Variants in USH2A observed in about 807,000 individuals in gnomAD.
USH2A encodes Usher syndrome 2A (autosomal recessive, mild).
In USH2A, 443 loss-of-function variants were observed where a neutral mutation model predicts 538.9. The observed-to-expected ratio is 0.82, with a 90% confidence interval of 0.76 to 0.89. USH2A has a LOEUF of 0.89. Ranked by LOEUF, USH2A falls within the 40% of genes least tolerant of loss-of-function variation. USH2A has a pLI of 0.00. For missense variants in USH2A, 6,633 were observed against 6,324.8 expected, an observed-to-expected ratio of 1.05 and a Z score of -1.65; for synonymous variants, 2,413 against 2,273.5, an observed-to-expected ratio of 1.06 and a Z score of -1.75.
In USH2A at chr1:216,278,713, T is replaced by G. The variant is rs115654909; in HGVS notation, c.1971+10567A>C. On this transcript the variant is annotated intron_variant, in intron 11 of 71. Transcript: ENST00000307340. ...CTAAGGAAACTTATGCAATACTTAT[T>G]TTTTCTATTTGTACACTTTAATATT... Among the ~76,000 whole-genome samples, 799 of 152,292 alleles carry G rather than the reference T, an allele frequency of 5.2e-3. 9 individuals carry two copies. The highest frequency in any genetic ancestry group is 0.019 in the African/African-American group (777 of 41,574).
chr1:216,294,631 A>G (rs1016178325), intron 9 of USH2A, among the ~76,000 whole-genome samples: 4 of 151,852 alleles, frequency 2.6e-5, no homozygotes, highest in Non-Finnish European at 4.4e-5. Context: ...GAGTATAAAC[A>G]TTTTAAAGAT....
chr1:216,311,653 A>G (rs1571689417), intron 9 of USH2A, among the ~76,000 whole-genome samples: 1 of 152,046 alleles, frequency 6.6e-6, no homozygotes. Flanking sequence ...CATGGGGCGG[A>G]AGAGTTAACA....
intron 38 of USH2A, among the ~76,000 whole-genome samples, chr1:215,922,896 G>A (rs1571815975): frequency 6.6e-6 from 1 of 152,114 alleles, no homozygotes; most frequent in East Asian, 1.9e-4. Flanking sequence ...AGAACTCAGG[G>A]CTCTGAGACC....
chr1:216,132,676 A>T lies in USH2A; in HGVS notation c.4628-35463T>A, dbSNP rs76339837. On this transcript the variant is annotated intron_variant, in intron 21 of 71. Transcript: ENST00000307340. ...TTTGGCTGAAGAAACTGAGGCAAAC[A>T]TAACTTTCTATATACAGCTGGTGTC... is the stretch of plus-strand genomic sequence containing the variant. 9.8e-3 allele frequency among the ~76,000 whole-genome samples: 1,493 copies of T among 152,238 alleles called. 23 individuals are homozygous for T. Among genetic ancestry groups the T allele is most frequent in the African/African-American group, 0.034 (1,398 of 41,548 alleles).
chr1:215,865,739 C>G (rs945134121), intron 44 of USH2A, among the ~76,000 whole-genome samples: 1 of 152,144 alleles, frequency 6.6e-6, no homozygotes, highest in Non-Finnish European at 1.5e-5. Flanking sequence ...AAACCTGCAG[C>G]CTTATAAAAA....
chr1:216,088,796 A>G (rs2032211319), intron 23 of USH2A, among the ~76,000 whole-genome samples: 1 of 152,164 alleles, frequency 6.6e-6, no homozygotes, highest in African/African-American at 2.4e-5. Flanking sequence ...AGGTGACTTC[A>G]TTGTTATTTT....
chr1:216,380,295 T>A (rs183219303), intron 3 of USH2A, among the ~76,000 whole-genome samples: 134 of 152,290 alleles, frequency 8.8e-4, no homozygotes, highest in African/African-American at 3.0e-3. Flanking sequence ...TCCAAATAGC[T>A]TAAAATATTT....
At position 215,855,644 on chromosome 1, in the gene USH2A, A is replaced by T. The variant is rs376019344; in HGVS notation, c.8846-9611T>A. ...CACAATTCCCATCAATGCAATTCCC[A>T]TCAAAATACCACCATCATTCTTCAC... On this transcript the variant is annotated intron_variant, in intron 44 of 71. Transcript: ENST00000307340. Among the ~76,000 whole-genome samples, 46 of 152,302 alleles carry T rather than the reference A, an allele frequency of 3.0e-4. No individual in the cohort carries two copies. The East Asian group carries it at 6.2e-3, about 20-fold the overall frequency.
chr1:216,195,037 G>A (rs1416646935), intron 19 of USH2A, among the ~76,000 whole-genome samples: 1 of 152,110 alleles, frequency 6.6e-6, no homozygotes, highest in African/African-American at 2.4e-5. Context: ...AACATGTAAT[G>A]GAAACTATAT....
rs727503716 is a variant in USH2A, at chr1:215,675,278, A to G, written c.12633T>C (p.Ile4211=). 1 of 1,614,116 alleles carries G rather than the reference A, an allele frequency of 6.2e-7. No homozygotes were observed. The highest frequency in any genetic ancestry group is 8.5e-7 in the Non-Finnish European group (1 of 1,180,022). ...GNQTIQADEK[I]VFTEYNTERN... is the part of the protein sequence containing the mutation. ...TTTCAGTGTTATATTCTGTGAAAAC[A>G]ATTTTCTCGTCGGCCTGGATTGTCT... The change falls in exon 63 of 72, where the codon ATT becomes ATC. Residue 4211 remains isoleucine (I), a synonymous_variant. Coordinates refer to ENST00000307340, the MANE Select transcript of USH2A (RefSeq NM_206933.4).
intron 60 of USH2A, among the ~76,000 whole-genome samples, chr1:215,734,324 C>T (rs1309628927): frequency 6.6e-6 from 1 of 152,186 alleles, no homozygotes; most frequent in East Asian, 1.9e-4. Flanking sequence ...GGCAGCAGGG[C>T]TCTGGGCCTG....
At chr1:216,342,227 C>T (rs2102680154) in intron 4 of USH2A, among the ~76,000 whole-genome samples, 1 of 152,196 alleles carries the variant, frequency 6.6e-6, no homozygotes, top group South Asian at 2.1e-4. Flanking sequence ...ATGCAGTCAA[C>T]AAACATTTTT....
At chr1:215,650,518 A>C in intron 65 of USH2A, 74 bp downstream of exon 65, 1 of 1,575,888 alleles carries the variant, frequency 6.3e-7, no homozygotes. Context: ...AAAAACAAAA[A>C]CATAAAAACA....
intron 54 of USH2A, among the ~76,000 whole-genome samples, chr1:215,781,589 G>A (rs963611609): frequency 1.2e-4 from 19 of 152,082 alleles, no homozygotes; most frequent in African/African-American, 4.3e-4. Flanking sequence ...TTCTTGACAA[G>A]GCTATAGCAG....
intron 3 of USH2A, among the ~76,000 whole-genome samples, chr1:216,404,146 A>G (rs2039353514): frequency 6.6e-6 from 1 of 152,200 alleles, no homozygotes; most frequent in African/African-American, 2.4e-5. Flanking sequence ...TGCCAATAAA[A>G]GAGGACCTAA....
chr1:216,016,899 C>G (rs958325150), intron 32 of USH2A, among the ~76,000 whole-genome samples: 7 of 151,344 alleles, frequency 4.6e-5, no homozygotes, highest in African/African-American at 1.2e-4. Flanking sequence ...AAGGGAGAAC[C>G]CTTATTGTCA....
At position 215,838,104 on chromosome 1, in the gene USH2A, C is replaced by T; in HGVS notation, c.9259-1G>A. The T allele has an allele frequency of 6.2e-7, 1 of 1,612,084 alleles. No individual in the cohort carries two copies. Among genetic ancestry groups the T allele is most frequent in the Non-Finnish European group, 8.5e-7 (1 of 1,178,218 alleles). On this transcript the variant is annotated splice_acceptor_variant, in intron 46 of 71. Transcript: ENST00000307340. LOFTEE classifies it high-confidence loss of function. ...AGGCATATATTGTGCAGACTTCAAC[C>T]TGCAAACATTAGTTTAGAAAAAATA...
chr1:216,229,629 AT>A (rs1422937465), intron 14 of USH2A, among the ~76,000 whole-genome samples: 1 of 152,058 alleles, frequency 6.6e-6, no homozygotes. Flanking sequence ...TTCTTTCTTT[AT>A]TGTAACTTCG....
chr1:216,017,786 C>T (rs1232369929), intron 32 of USH2A, among the ~76,000 whole-genome samples: 2 of 152,136 alleles, frequency 1.3e-5, no homozygotes, highest in Non-Finnish European at 2.9e-5. Flanking sequence ...CTATTGTCAG[C>T]TTAGTAAAGT....
Sources: allele counts gnomAD v4.1 joint callset (sites outside exome capture counted in the v4.1 genomes callset), GRCh38; gene constraint gnomAD v4.1.1; transcripts MANE v1.5; gene names NCBI Gene and HGNC (gene_info 2026-07-23, HGNC 2026-07-21).